The following TMEM108 variants were observed in gnomAD, a reference collection of about 807,000 sequenced individuals.
The protein encoded by TMEM108 is transmembrane protein 108.
In TMEM108, 12 loss-of-function variants were observed where a neutral mutation model predicts 35.1. The observed-to-expected ratio is 0.34, with a 90% CI of 0.22 to 0.55. The LOEUF is 0.55. Among genes scored for constraint, TMEM108 ranks in the 20% least tolerant of loss-of-function variants. TMEM108 has a pLI of 0.89. For synonymous variants in TMEM108, 287 were observed against 308.6 expected (o/e 0.93, Z 0.73); for missense variants, 680 against 753.3 (o/e 0.90, Z 1.14).
intron 3 of TMEM108, among the ~76,000 whole-genome samples, chr3:133,253,928 G>T (rs970296767): frequency 6.6e-5 from 10 of 152,176 alleles, no homozygotes; most frequent in Admixed American, 1.3e-4. Flanking sequence ...ACAAATTCGG[G>T]AGGTAACTAA....
At chr3:133,336,259 G>C (rs532521578) in intron 3 of TMEM108, among the ~76,000 whole-genome samples, 3 of 152,194 alleles carry the variant, frequency 2.0e-5, no homozygotes, top group Admixed American at 2.0e-4. Flanking sequence ...CCAACCTAAG[G>C]GTTGGAGATT....
At chr3:133,125,768 T>G (rs959805744) in intron 2 of TMEM108, among the ~76,000 whole-genome samples, 1 of 152,238 alleles carries the variant, frequency 6.6e-6, no homozygotes, top group African/African-American at 2.4e-5. Context: ...AGAGGGTATT[T>G]AAAATAGTAT....
At chr3:133,062,750 CT>C (rs1477478598) in intron 2 of TMEM108, among the ~76,000 whole-genome samples, 1 of 152,198 alleles carries the variant, frequency 6.6e-6, no homozygotes, top group African/African-American at 2.4e-5. Context: ...CTTCTGAGGA[CT>C]TTTGCCAATC....
In TMEM108 at chr3:133,249,819, C is replaced by T. The variant is rs543240802; in HGVS notation, c.40+20468C>T. On this transcript the variant is annotated intron_variant, in intron 3 of 5. Transcript: ENST00000321871. Reference sequence around the variant, plus strand: ...AACTTCTGTGGTGAATAAATTTTCACTACATTAAGGAACAAAGAGCTTTTA... The same window carrying T: ...AACTTCTGTGGTGAATAAATTTTCATTACATTAAGGAACAAAGAGCTTTTA... Among the ~76,000 whole-genome samples, 4 of 152,092 alleles carry T rather than the reference C, an allele frequency of 2.6e-5. No homozygotes were observed. The South Asian group carries it at 6.2e-4, about 24-fold the overall frequency.
At chr3:133,334,411 C>T (rs572770871) in intron 3 of TMEM108, among the ~76,000 whole-genome samples, 126 of 152,204 alleles carry the variant, frequency 8.3e-4, no homozygotes, top group African/African-American at 3.0e-3. Flanking sequence ...CAGGAAAATC[C>T]GTGAGGTTCG....
chr3:133,203,999 G>T (rs148799949), intron 2 of TMEM108, among the ~76,000 whole-genome samples: 5,325 of 152,112 alleles, frequency 0.035, 285 homozygotes, highest in African/African-American at 0.11. Flanking sequence ...TGAGGGATTT[G>T]ATTTCTTCCT....
At chr3:133,341,335 G>A (rs531480537) in intron 3 of TMEM108, among the ~76,000 whole-genome samples, 1 of 151,314 alleles carries the variant, frequency 6.6e-6, no homozygotes, top group South Asian at 2.1e-4. Context: ...AAATACCTAG[G>A]AATTAACCAA....
At chr3:133,257,240 G>C (rs1294380663) in intron 3 of TMEM108, 1 of 152,158 alleles carries the variant, frequency 6.6e-6, no homozygotes, top group Non-Finnish European at 1.5e-5. Context: ...GCTTGTGGGA[G>C]TTATTGAAGG....
chr3:133,324,696 G>A (rs1353376084), intron 3 of TMEM108, among the ~76,000 whole-genome samples: 1 of 152,148 alleles, frequency 6.6e-6, no homozygotes, highest in East Asian at 1.9e-4. Flanking sequence ...AGAAGTCAGT[G>A]GCTGAACGCA....
chr3:133,081,837 A>G (rs113226079), intron 2 of TMEM108, among the ~76,000 whole-genome samples: 5,123 of 152,314 alleles, frequency 0.034, 167 homozygotes, highest in Admixed American at 0.071. Context: ...ATCAAGTACA[A>G]TCAGATAGGA....
chr3:133,053,039 T>A (rs1250776863), intron 2 of TMEM108, among the ~76,000 whole-genome samples: 2 of 152,132 alleles, frequency 1.3e-5, no homozygotes, highest in African/African-American at 4.8e-5. Context: ...ATTTCTAATA[T>A]CACCTAATCT....
chr3:133,187,540 A>G (rs780901586), intron 2 of TMEM108, among the ~76,000 whole-genome samples: 1 of 152,238 alleles, frequency 6.6e-6, no homozygotes, highest in Admixed American at 6.5e-5. Flanking sequence ...ACTTGAGGTC[A>G]GTAGTTCAAG....
chr3:133,135,454 G>A lies in TMEM108; in HGVS notation c.-47+89434G>A, dbSNP rs543303045. 4.9e-4 allele frequency among the ~76,000 whole-genome samples: 74 copies of A among 152,324 alleles called. No individual in the cohort carries two copies. In the South Asian group the frequency reaches 0.015, roughly 32 times the overall value. On this transcript the variant is annotated intron_variant, in intron 2 of 5. Coordinates refer to ENST00000321871, the MANE Select transcript of TMEM108 (RefSeq NM_023943.4). ...GAGTATATTCATGGAACATTCATCA[G>A]CTCAGTGGGCTGGAGCTTAGGCGCG...
intron 2 of TMEM108, among the ~76,000 whole-genome samples, chr3:133,179,657 G>C (rs1039809555): frequency 6.6e-6 from 1 of 152,028 alleles, no homozygotes; most frequent in African/African-American, 2.4e-5. Flanking sequence ...GGCCTGTTGT[G>C]GGGTGGGGGG....
At chr3:133,125,531 T>C (rs1271796623) in intron 2 of TMEM108, among the ~76,000 whole-genome samples, 1 of 152,178 alleles carries the variant, frequency 6.6e-6, no homozygotes, top group African/African-American at 2.4e-5. Context: ...ATGGATGCTG[T>C]TCTCATTTGA....
chr3:133,254,002 T>C (rs1390675911), intron 3 of TMEM108, among the ~76,000 whole-genome samples: 3 of 152,134 alleles, frequency 2.0e-5, no homozygotes, highest in Non-Finnish European at 4.4e-5. Context: ...CCTAAATATG[T>C]CATGTAAAGG....
chr3:133,282,133 G>T (rs368144857), intron 3 of TMEM108, among the ~76,000 whole-genome samples: 7 of 152,164 alleles, frequency 4.6e-5, no homozygotes, highest in African/African-American at 1.4e-4. Flanking sequence ...CTCCAGCCTG[G>T]GCGACAGAGC....
At chr3:133,219,964 T>C (rs1171134251) in intron 2 of TMEM108, among the ~76,000 whole-genome samples, 1 of 152,146 alleles carries the variant, frequency 6.6e-6, no homozygotes, top group African/African-American at 2.4e-5. Context: ...TCAGATCTAT[T>C]AATATTTTTT....
intron 3 of TMEM108, among the ~76,000 whole-genome samples, chr3:133,335,302 GA>G (rs1321633019): frequency 1.3e-5 from 2 of 152,090 alleles, no homozygotes; most frequent in African/African-American, 4.8e-5. Context: ...TAAAGATAGA[GA>G]AAAATCAGAC....
Sources: allele counts gnomAD v4.1 joint callset (sites outside exome capture counted in the v4.1 genomes callset), GRCh38; gene constraint gnomAD v4.1.1; transcripts MANE v1.5; gene names NCBI Gene and HGNC (gene_info 2026-07-23, HGNC 2026-07-21).